BANK1: variants seen among roughly 807,000 people sequenced by gnomAD.
BANK1 encodes B cell scaffold protein with ankyrin repeats 1.
Under a neutral mutation model 94.5 loss-of-function variants are expected in BANK1, and 95 were observed. The observed-to-expected ratio is 1.00, with a 90% CI of 0.85 to 1.19. The LOEUF (loss-of-function observed/expected upper bound fraction) is 1.19, where lower values mean the gene tolerates loss of function less well. BANK1 is among the 50% of genes most tolerant of loss of function. The pLI is 0.00. For missense variants in BANK1, 987 were observed against 932.2 expected (o/e 1.06, Z -0.77); for synonymous variants, 334 against 308.4 (o/e 1.08, Z -0.87).
At chr4:101,878,927 A>C (rs1054459362) in intron 5 of BANK1, among the ~76,000 whole-genome samples, 1 of 152,076 alleles carries the variant, frequency 6.6e-6, no homozygotes, top group Non-Finnish European at 1.5e-5. Context: ...ACAACATACC[A>C]AAATCTATGA....
chr4:101,954,651 G>A (rs1415792337), intron 7 of BANK1, among the ~76,000 whole-genome samples: 4 of 152,080 alleles, frequency 2.6e-5, no homozygotes, highest in African/African-American at 4.8e-5. Context: ...ATATACCCAG[G>A]AGCTTATAGT....
At chr4:102,049,461 G>T (rs1395653715) in intron 11 of BANK1, among the ~76,000 whole-genome samples, 2 of 152,118 alleles carry the variant, frequency 1.3e-5, no homozygotes, top group Non-Finnish European at 2.9e-5. Context: ...AACTGATGAG[G>T]TTCAAGCATT....
chr4:101,889,425 C>T (rs944202843), intron 5 of BANK1, among the ~76,000 whole-genome samples: 3 of 151,364 alleles, frequency 2.0e-5, no homozygotes, highest in Non-Finnish European at 4.4e-5. Flanking sequence ...GGTGAAACCC[C>T]GTCTCTACTA....
intron 9 of BANK1, among the ~76,000 whole-genome samples, chr4:102,025,745 C>T (rs1040452063): frequency 1.3e-5 from 2 of 152,100 alleles, no homozygotes; most frequent in Non-Finnish European, 2.9e-5. Context: ...CTCCCTCCCT[C>T]CCTCCTTCCC....
intron 1 of BANK1, among the ~76,000 whole-genome samples, chr4:101,797,235 C>T (rs1725186876): frequency 6.6e-6 from 1 of 152,056 alleles, no homozygotes; most frequent in Non-Finnish European, 1.5e-5. Flanking sequence ...CCAATGATGT[C>T]AGTGAAGAAA....
At chr4:102,026,417 G>T (rs952782562) in intron 9 of BANK1, among the ~76,000 whole-genome samples, 1 of 151,340 alleles carries the variant, frequency 6.6e-6, no homozygotes, top group Non-Finnish European at 1.5e-5. Context: ...TAATTTAGTT[G>T]TTGGGTCCTA....
chr4:101,839,989 G>T (rs1726979594), intron 2 of BANK1, among the ~76,000 whole-genome samples: 2 of 46,720 alleles, frequency 4.3e-5, no homozygotes, highest in African/African-American at 7.3e-5. Flanking sequence ...TTTTTTTTGA[G>T]ACAGAGTCTC....
chr4:101,853,291 G>T (rs1727561023), intron 2 of BANK1, among the ~76,000 whole-genome samples: 1 of 152,114 alleles, frequency 6.6e-6, no homozygotes, highest in African/African-American at 2.4e-5. Flanking sequence ...CTCAAGGGAG[G>T]CTCTCTTTTG....
intron 1 of BANK1, among the ~76,000 whole-genome samples, chr4:101,828,080 C>G (rs977943892): frequency 2.0e-5 from 3 of 151,590 alleles, no homozygotes; most frequent in Admixed American, 6.6e-5. Context: ...TCCAAATAGT[C>G]TATAATTATC....
chr4:101,841,641 A>G (rs960261155), intron 2 of BANK1, among the ~76,000 whole-genome samples: 12 of 142,140 alleles, frequency 8.4e-5, no homozygotes, highest in African/African-American at 3.1e-4. Flanking sequence ...TATTATTATT[A>G]TACTTTAAGT....
intron 13 of BANK1, among the ~76,000 whole-genome samples, chr4:102,068,140 AT>A (rs1728650274): frequency 6.6e-6 from 1 of 152,158 alleles, no homozygotes; most frequent in African/African-American, 2.4e-5. Flanking sequence ...TAATGAAAAA[AT>A]ATCAAAATTT....
intron 2 of BANK1, among the ~76,000 whole-genome samples, chr4:101,839,603 A>G (rs1249210386): frequency 6.6e-6 from 1 of 152,174 alleles, no homozygotes; most frequent in East Asian, 1.9e-4. Flanking sequence ...GAAATTGAGA[A>G]CCTATATTTT....
chr4:101,968,783 G>C (rs1019830462), intron 7 of BANK1, among the ~76,000 whole-genome samples: 4 of 152,108 alleles, frequency 2.6e-5, no homozygotes, highest in Admixed American at 6.6e-5. Flanking sequence ...TCTTATGCAG[G>C]AGGTGGAGAG....
chr4:101,995,454 T>C (rs747885412), intron 7 of BANK1, among the ~76,000 whole-genome samples: 5 of 152,218 alleles, frequency 3.3e-5, no homozygotes, highest in African/African-American at 4.8e-5. Flanking sequence ...ACTTTGGGTA[T>C]ATACCCAGTA....
chr4:102,048,887 CCA>C (rs1727962824), intron 11 of BANK1, among the ~76,000 whole-genome samples: 1 of 152,146 alleles, frequency 6.6e-6, no homozygotes, highest in Non-Finnish European at 1.5e-5. Context: ...AACTCAGTTT[CCA>C]CATTTTGAAA....
At chr4:101,957,113 T>G (rs1578420192) in intron 7 of BANK1, among the ~76,000 whole-genome samples, 2 of 152,196 alleles carry the variant, frequency 1.3e-5, no homozygotes, top group Non-Finnish European at 2.9e-5. Context: ...CACATACTAA[T>G]GAGAAGATAC....
At chr4:101,995,244 C>A (rs550129785) in intron 7 of BANK1, among the ~76,000 whole-genome samples, 1 of 152,262 alleles carries the variant, frequency 6.6e-6, no homozygotes, top group East Asian at 1.9e-4. Flanking sequence ...TGGTTTCCAA[C>A]TTCACCTATG....
At chr4:102,073,045 TAG>T (rs1159554029) in intron 15 of BANK1, among the ~76,000 whole-genome samples, 1 of 152,078 alleles carries the variant, frequency 6.6e-6, no homozygotes, top group Non-Finnish European at 1.5e-5. Context: ...AATCCTGAAT[TAG>T]AGTCTTTGCT....
At chr4:101,840,195 C>G (rs1446054958) in intron 2 of BANK1, among the ~76,000 whole-genome samples, 1 of 150,936 alleles carries the variant, frequency 6.6e-6, no homozygotes, top group African/African-American at 2.4e-5. Context: ...GTCTCGATCT[C>G]CTGACCTCGT....
Sources: gnomAD v4.1 joint callset for allele counts (sites outside exome capture counted in the v4.1 genomes callset) on GRCh38, gnomAD v4.1.1 for gene constraint, MANE v1.5 for transcripts, NCBI Gene and HGNC (gene_info 2026-07-23, HGNC 2026-07-21) for gene names.